The following ANGPTL5 variants were observed in gnomAD, a reference collection of about 807,000 sequenced individuals.
ANGPTL5 encodes the protein angiopoietin-related protein 5.
In ANGPTL5, 34 loss-of-function variants were observed where a neutral mutation model predicts 39.4. That is an observed-to-expected ratio of 0.86 (90% CI 0.66 to 1.15). The LOEUF is 1.15. Ranked by LOEUF, ANGPTL5 falls within the 50% of genes most tolerant of loss-of-function variation. ANGPTL5 has a pLI of 0.00. For missense variants in ANGPTL5, 467 were observed against 457.5 expected (o/e 1.02, Z -0.19); for synonymous variants, 146 against 152.1 (o/e 0.96, Z 0.29).
At chr11:101,900,232 A>G (rs887492848) in intron 7 of ANGPTL5, among the ~76,000 whole-genome samples, 198 bp downstream of exon 7, 9 of 152,024 alleles carry the variant, frequency 5.9e-5, no homozygotes, top group Admixed American at 5.2e-4. Context: ...CCAGATATCT[A>G]CAAATAAAGA....
intron 7 of ANGPTL5, among the ~76,000 whole-genome samples, chr11:101,899,873 T>C (rs1402285036): frequency 1.3e-5 from 2 of 152,260 alleles, no homozygotes; most frequent in East Asian, 3.8e-4. Context: ...ATATTGGTGT[T>C]TCTGTTTACC....
chr11:101,901,025 T>C (rs1939888423), intron 6 of ANGPTL5, among the ~76,000 whole-genome samples: 2 of 148,532 alleles, frequency 1.3e-5, no homozygotes, highest in Non-Finnish European at 3.0e-5. Flanking sequence ...CTTTTTTTTT[T>C]TTTTTTTTTT....
At chr11:101,915,720 T>G (rs893269277) in intron 1 of ANGPTL5, among the ~76,000 whole-genome samples, 16 of 152,226 alleles carry the variant, frequency 1.1e-4, no homozygotes, top group African/African-American at 3.9e-4. Flanking sequence ...TGCCATTATG[T>G]TCTTTACTTA....
At chr11:101,904,587 A>G (rs1048243540) in intron 5 of ANGPTL5, among the ~76,000 whole-genome samples, 2 of 152,214 alleles carry the variant, frequency 1.3e-5, no homozygotes. Context: ...GCTTCAGGAT[A>G]TCTTTATACA....
At chr11:101,898,469 T>C (rs887053905) in intron 7 of ANGPTL5, among the ~76,000 whole-genome samples, 7 of 152,212 alleles carry the variant, frequency 4.6e-5, no homozygotes, top group Admixed American at 3.9e-4. Flanking sequence ...GTATAGGAAT[T>C]CTTATGATTT....
chr11:101,907,668 A>G (rs1940021696), intron 2 of ANGPTL5, 146 bp downstream of exon 2: 1 of 618,750 alleles, frequency 1.6e-6, no homozygotes, highest in Non-Finnish European at 2.8e-6. Context: ...GTAATATTAA[A>G]GCAATTTTCA....
chr11:101,900,203 TCAC>T (rs1939869033), intron 7 of ANGPTL5, among the ~76,000 whole-genome samples: 1 of 152,222 alleles, frequency 6.6e-6, no homozygotes, highest in Non-Finnish European at 1.5e-5. Flanking sequence ...TCTAGAATTT[TCAC>T]TCAAATCACA....
chr11:101,896,877 G>T (rs972857500), intron 7 of ANGPTL5, among the ~76,000 whole-genome samples: 12 of 152,274 alleles, frequency 7.9e-5, no homozygotes, highest in African/African-American at 2.9e-4. Context: ...ACCCAGTAAT[G>T]GGATTGCTGG....
At chr11:101,893,889 C>T (rs1939746924) in intron 8 of ANGPTL5, among the ~76,000 whole-genome samples, 1 of 152,264 alleles carries the variant, frequency 6.6e-6, no homozygotes, top group Middle Eastern at 3.4e-3. Flanking sequence ...TGTTTGTCAG[C>T]CTTCATTTGC....
intron 3 of ANGPTL5, 72 bp downstream of exon 3, chr11:101,907,031 A>G: frequency 8.3e-7 from 1 of 1,199,382 alleles, no homozygotes; most frequent in Non-Finnish European, 1.2e-6. Flanking sequence ...AAGCTAAAGT[A>G]TACTTTTCAG....
chr11:101,898,747 C>T (rs1357929659), intron 7 of ANGPTL5, among the ~76,000 whole-genome samples: 2 of 152,140 alleles, frequency 1.3e-5, no homozygotes, highest in African/African-American at 4.8e-5. Context: ...ATGCTTCCAG[C>T]TTTTGCCCAT....
chr11:101,899,881 A>G (rs1939862853), intron 7 of ANGPTL5, among the ~76,000 whole-genome samples: 1 of 152,244 alleles, frequency 6.6e-6, no homozygotes. Flanking sequence ...GTTTCTGTTT[A>G]CCAGCAAATG....
At chr11:101,901,379 C>G (rs1318383015) in intron 6 of ANGPTL5, among the ~76,000 whole-genome samples, 1 of 152,010 alleles carries the variant, frequency 6.6e-6, no homozygotes, top group East Asian at 1.9e-4. Context: ...TCCCACAAAC[C>G]TGGAAGGCCT....
chr11:101,900,643 A>T (rs1939877822), intron 6 of ANGPTL5, 93 bp from the exon 7 acceptor site: 4 of 1,375,696 alleles, frequency 2.9e-6, no homozygotes, highest in Non-Finnish European at 3.1e-6. Context: ...GCTTAGAAAA[A>T]GAGACGGTAC....
chr11:101,895,052 A>C lies in ANGPTL5; in HGVS notation c.674T>G (p.Leu225Arg). The change falls in exon 8 of 9, where the codon CTA (leucine) becomes CGA (arginine). Residue 225 changes from leucine (L) to arginine (R), a missense_variant. Coordinates refer to ENST00000334289, the MANE Select transcript of ANGPTL5 (RefSeq NM_178127.5). ...TATATAAAAAATCTTTTTCAGTCCT[A>C]GCCAAAATTCTCCTGTAAAAAAAAT... Reference protein sequence around the residue: ...GFGDLLGEFWLGLKKIFYIVN... With the variant: ...GFGDLLGEFWRGLKKIFYIVN... 6.3e-7 allele frequency: 1 copy of C among 1,590,634 alleles called. No individual in the cohort carries two copies. Among genetic ancestry groups the C allele is most frequent in the Non-Finnish European group, 8.6e-7 (1 of 1,165,012 alleles).
intron 3 of ANGPTL5, among the ~76,000 whole-genome samples, chr11:101,906,729 A>T (rs564002587): frequency 6.6e-6 from 1 of 152,140 alleles, no homozygotes; most frequent in African/African-American, 2.4e-5. Context: ...GTAGAATCAC[A>T]TTAAAAAATC....
chr11:101,901,123 C>T (rs1474442077), intron 6 of ANGPTL5, among the ~76,000 whole-genome samples: 3 of 151,486 alleles, frequency 2.0e-5, no homozygotes, highest in South Asian at 2.1e-4. Context: ...GTGATCCTCC[C>T]GCCTCCGCCT....
chr11:101,891,602 G>A lies in ANGPTL5; in HGVS notation c.848-4C>T, dbSNP rs755539816. Reference sequence around the variant, plus strand: ...TTGAGACCCCGGAATGCATCACCTGGGAAAAAAATTTTTAATGATCGAATT... The same window carrying A: ...TTGAGACCCCGGAATGCATCACCTGAGAAAAAAATTTTTAATGATCGAATT... On this transcript the variant is annotated splice_polypyrimidine_tract_variant and splice_region_variant and intron_variant, in intron 8 of 8. Coordinates refer to ENST00000334289, the MANE Select transcript of ANGPTL5 (RefSeq NM_178127.5). The A allele has an allele frequency of 4.3e-6, 7 of 1,612,866 alleles. No individual in the cohort carries two copies. In the East Asian group the frequency reaches 1.6e-4, roughly 36 times the overall value.
intron 7 of ANGPTL5, among the ~76,000 whole-genome samples, chr11:101,897,603 T>C: frequency 6.6e-6 from 1 of 152,208 alleles, no homozygotes; most frequent in Admixed American, 6.5e-5. Context: ...CACCATTTAT[T>C]AAAAAGGGAA....
Sources: allele counts gnomAD v4.1 joint callset (sites outside exome capture counted in the v4.1 genomes callset), GRCh38; gene constraint gnomAD v4.1.1; transcripts MANE v1.5; gene names NCBI Gene and HGNC (gene_info 2026-07-23, HGNC 2026-07-21).